Variants in TTC17 observed in about 807,000 individuals in gnomAD.
TTC17 encodes the protein tetratricopeptide repeat domain 17.
Under a neutral mutation model 143.8 loss-of-function variants are expected in TTC17, and 58 were observed. That is an observed-to-expected ratio of 0.40 (90% confidence interval 0.33 to 0.50). The LOEUF (loss-of-function observed/expected upper bound fraction) is 0.50, where lower values mean the gene tolerates loss of function less well. Among genes scored for constraint, TTC17 ranks in the 20% least tolerant of loss-of-function variants. TTC17 has a pLI of 0.49. For missense variants in TTC17, 1,273 were observed against 1,392.5 expected (o/e 0.91, Z 1.37); for synonymous variants, 501 against 497.8 (o/e 1.01, Z -0.09).
chr11:43,460,468 T>C (rs1947844308), intron 21 of TTC17, among the ~76,000 whole-genome samples: 1 of 152,204 alleles, frequency 6.6e-6, no homozygotes, highest in Non-Finnish European at 1.5e-5. Context: ...GTCTCTTTGC[T>C]GCTCTTCCAC....
At chr11:43,445,845 G>GA (rs1947528229) in intron 18 of TTC17, 8 of 725,068 alleles carry the variant, frequency 1.1e-5, no homozygotes, top group Non-Finnish European at 1.7e-5. Flanking sequence ...GCCCATGGGG[G>GA]AAAAATGGAG....
intron 1 of TTC17, among the ~76,000 whole-genome samples, chr11:43,376,860 A>G (rs1856779775): frequency 6.6e-6 from 1 of 152,252 alleles, no homozygotes; most frequent in Non-Finnish European, 1.5e-5. Flanking sequence ...CAAACATCAT[A>G]GAGTATACTT....
chr11:43,437,522 A>G (rs1028860890), intron 16 of TTC17, among the ~76,000 whole-genome samples: 1 of 152,182 alleles, frequency 6.6e-6, no homozygotes, highest in Non-Finnish European at 1.5e-5. Flanking sequence ...TTGTTTCTAA[A>G]ATGTAAATCT....
At chr11:43,397,559 C>T (rs1419009218) in intron 7 of TTC17, 68 bp downstream of exon 7, 2 of 1,365,730 alleles carry the variant, frequency 1.5e-6, no homozygotes, top group African/African-American at 1.5e-5. Flanking sequence ...TTTTTCTCCC[C>T]CCTCAGTAGA....
intron 16 of TTC17, among the ~76,000 whole-genome samples, chr11:43,422,397 G>A (rs1289856393): frequency 6.6e-6 from 1 of 152,138 alleles, no homozygotes; most frequent in Admixed American, 6.5e-5. Context: ...TAATGATGGG[G>A]AAGAGACCAG....
At chr11:43,461,188 T>C (rs1489372677) in intron 21 of TTC17, among the ~76,000 whole-genome samples, 2 of 151,758 alleles carry the variant, frequency 1.3e-5, no homozygotes, top group Non-Finnish European at 1.5e-5. Context: ...ATTGAGACCG[T>C]CCTGGCTAAC....
intron 10 of TTC17, among the ~76,000 whole-genome samples, chr11:43,401,987 A>G (rs1857878706): frequency 2.5e-5 from 2 of 79,384 alleles, no homozygotes; most frequent in African/African-American, 2.2e-4. Context: ...CAAAAAATAA[A>G]TAAATAAATA....
intron 16 of TTC17, chr11:43,435,077 T>TAGATA (rs929474239): frequency 5.2e-4 from 75 of 144,508 alleles, no homozygotes; most frequent in Non-Finnish European, 8.2e-4. Flanking sequence ...ACAGATAAGA[T>TAGATA]GATAGATAGA....
At chr11:43,387,496 C>T (rs1857212520) in intron 2 of TTC17, among the ~76,000 whole-genome samples, 1 of 151,828 alleles carries the variant, frequency 6.6e-6, no homozygotes, top group African/African-American at 2.4e-5. Context: ...AGATCATAGG[C>T]TCTGTCCCCA....
chr11:43,394,581 ACTT>A (rs775952877), intron 5 of TTC17, among the ~76,000 whole-genome samples: 34 of 152,168 alleles, frequency 2.2e-4, no homozygotes, highest in Middle Eastern at 3.2e-3. Flanking sequence ...ATCAAGGAAA[ACTT>A]AAATTTTTGA....
chr11:43,482,477 A>G (rs1449300527), intron 21 of TTC17, among the ~76,000 whole-genome samples: 1 of 152,016 alleles, frequency 6.6e-6, no homozygotes, highest in African/African-American at 2.4e-5. Flanking sequence ...GTTTCCAACT[A>G]TTTGGGTGTT....
intron 21 of TTC17, among the ~76,000 whole-genome samples, chr11:43,463,968 G>A (rs1200197436): frequency 1.3e-5 from 2 of 152,256 alleles, no homozygotes; most frequent in Non-Finnish European, 2.9e-5. Flanking sequence ...TGCTAAATAG[G>A]GGAAAAGATA....
In TTC17 at chr11:43,391,968, C is replaced by T; in HGVS notation, c.663+16C>T. On this transcript the variant is annotated intron_variant, in intron 5 of 23. Coordinates refer to ENST00000039989, the MANE Select transcript of TTC17 (RefSeq NM_018259.6). The stretch of plus-strand genomic sequence containing the variant: ...CCTACAGAAGGTAAGTCATCAGTCA[C>T]TTAAAGAGCCAGCGGGCTGAGCCAG... 2 of 1,591,566 alleles carry T rather than the reference C, an allele frequency of 1.3e-6. No individual in the cohort carries two copies. The highest frequency in any genetic ancestry group is 1.7e-6 in the Non-Finnish European group (2 of 1,173,440).
intron 21 of TTC17, among the ~76,000 whole-genome samples, chr11:43,481,510 AGTTCTCTTTGTGGGAG>A (rs1948286333): frequency 6.6e-6 from 1 of 152,114 alleles, no homozygotes; most frequent in African/African-American, 2.4e-5. Flanking sequence ...CTGGTCCTAG[AGTTCTCTTTGTGGGAG>A]GTTTTTAATT....
At chr11:43,491,140 G>A (rs1435733735) in intron 22 of TTC17, 1 of 152,112 alleles carries the variant, frequency 6.6e-6, no homozygotes, top group African/African-American at 2.4e-5. Flanking sequence ...TACTAGCTTT[G>A]TGAATTTGGG....
intron 2 of TTC17, among the ~76,000 whole-genome samples, chr11:43,385,009 T>C (rs1375660583): frequency 6.6e-6 from 1 of 152,210 alleles, no homozygotes; most frequent in Non-Finnish European, 1.5e-5. Context: ...ATCGTATACT[T>C]GTATGTACCT....
At position 43,476,216 on chromosome 11, in the gene TTC17, A is replaced by G. The variant is rs563477256; in HGVS notation, c.3031-14023A>G. 2.6e-5 allele frequency among the ~76,000 whole-genome samples: 4 copies of G among 152,294 alleles called. No individual in the cohort carries two copies. The East Asian group carries it at 7.7e-4, about 29-fold the overall frequency. ...GTATTTGAACCAGTATTCTTTGGAGAAAAAGCTTCTACCAAGTCTGGGAAA... is the reference window on the plus strand; with the variant it reads ...GTATTTGAACCAGTATTCTTTGGAGGAAAAGCTTCTACCAAGTCTGGGAAA... On this transcript the variant is annotated intron_variant, in intron 21 of 23. Transcript: ENST00000039989.
Position 43,397,368 on chromosome 11 carries a change from G to A in TTC17, c.795G>A (p.Leu265=). The change falls in exon 7 of 24, where the codon CTG becomes CTA. Residue 265 remains leucine (L), a synonymous_variant. Coordinates refer to ENST00000039989, the MANE Select transcript of TTC17 (RefSeq NM_018259.6). Reference sequence around the variant, plus strand: ...TTAGGCACAATAAAGACATTGCCCTGGTCAACCTGGCAAACGTTCTACACA... The same window carrying A: ...TTAGGCACAATAAAGACATTGCCCTAGTCAACCTGGCAAACGTTCTACACA... The part of the protein sequence containing the change: ...FSSRHNKDIA[L]VNLANVLHRA... 6.2e-7 allele frequency: 1 copy of A among 1,610,756 alleles called. No homozygotes were observed. Among genetic ancestry groups the A allele is most frequent in the Non-Finnish European group, 8.5e-7 (1 of 1,179,616 alleles).
At chr11:43,398,471 A>G (rs1304624758) in intron 8 of TTC17, among the ~76,000 whole-genome samples, 1 of 152,218 alleles carries the variant, frequency 6.6e-6, no homozygotes, top group Non-Finnish European at 1.5e-5. Flanking sequence ...TGCATAGAAT[A>G]TACTAAGTTT....
Sources: gnomAD v4.1 joint callset for allele counts (sites outside exome capture counted in the v4.1 genomes callset) on GRCh38, gnomAD v4.1.1 for gene constraint, MANE v1.5 for transcripts, NCBI Gene and HGNC (gene_info 2026-07-23, HGNC 2026-07-21) for gene names.